Variants in GRIN2A observed in about 807,000 individuals in gnomAD.
GRIN2A encodes the protein glutamate receptor ionotropic, NMDA 2A.
In GRIN2A, 22 loss-of-function variants were observed where a neutral mutation model predicts 113.4. That is an observed-to-expected ratio of 0.19 (90% CI 0.14 to 0.28). The LOEUF (loss-of-function observed/expected upper bound fraction) is 0.28. GRIN2A is among the 10% of genes least tolerant of loss of function. The pLI is 1.00. For missense variants in GRIN2A, 1,502 were observed against 1,887.0 expected (o/e 0.80, Z 3.78); for synonymous variants, 827 against 738.4 (o/e 1.12, Z -1.94).
At chr16:9,947,720 C>T (rs2045053858) in intron 2 of GRIN2A, among the ~76,000 whole-genome samples, 1 of 152,104 alleles carries the variant, frequency 6.6e-6, no homozygotes, top group Admixed American at 6.5e-5. Flanking sequence ...AATTTCAGCT[C>T]TTTCTCTTAC....
intron 11 of GRIN2A, among the ~76,000 whole-genome samples, chr16:9,779,500 GAGA>G (rs1446848185): frequency 1.3e-5 from 2 of 152,116 alleles, no homozygotes; most frequent in Non-Finnish European, 2.9e-5. Flanking sequence ...GGAATGAAGA[GAGA>G]AGGAGAGAGT....
intron 2 of GRIN2A, among the ~76,000 whole-genome samples, chr16:9,939,641 C>T (rs2044812457): frequency 6.6e-6 from 1 of 152,134 alleles, no homozygotes; most frequent in African/African-American, 2.4e-5. Flanking sequence ...GTTGGTATTG[C>T]TGGCAGGGAA....
At chr16:9,765,664 A>G (rs1700071934) in intron 12 of GRIN2A, among the ~76,000 whole-genome samples, 1 of 152,122 alleles carries the variant, frequency 6.6e-6, no homozygotes, top group Non-Finnish European at 1.5e-5. Context: ...AGAGCCCAAG[A>G]GATAGAGAAA....
intron 2 of GRIN2A, among the ~76,000 whole-genome samples, chr16:10,100,684 G>T (rs2048377022): frequency 6.6e-6 from 1 of 152,168 alleles, no homozygotes; most frequent in Admixed American, 6.5e-5. Context: ...CTCCATCTGT[G>T]CAGCTTTATG....
intron 4 of GRIN2A, among the ~76,000 whole-genome samples, chr16:9,874,770 T>C (rs2043332237): frequency 6.6e-6 from 1 of 151,914 alleles, no homozygotes; most frequent in South Asian, 2.1e-4. Context: ...GGAGTGATCA[T>C]ACTCATCTTG....
intron 2 of GRIN2A, among the ~76,000 whole-genome samples, chr16:9,942,338 T>C (rs2044902296): frequency 6.6e-6 from 1 of 152,174 alleles, no homozygotes; most frequent in South Asian, 2.1e-4. Context: ...CTAGGGTCTA[T>C]TGAACCTAAA....
rs542344535 is a variant in GRIN2A at position 10,052,507 on chromosome 16, T to G, written c.415-113956A>C. Among the ~76,000 whole-genome samples the G allele has an allele frequency of 7.9e-5, 12 of 152,328 alleles. No individual in the cohort carries two copies. In the South Asian group the frequency reaches 2.5e-3, roughly 32 times the overall value. Reference sequence around the variant, plus strand: ...GCCCTGTCCTTAAGGAATCGCCATCTGCCCCAGGGGACATGAATGATGCTT... The same window carrying G: ...GCCCTGTCCTTAAGGAATCGCCATCGGCCCCAGGGGACATGAATGATGCTT... On this transcript the variant is annotated intron_variant, in intron 2 of 12. Coordinates refer to ENST00000330684, the MANE Select transcript of GRIN2A (RefSeq NM_001134407.3).
chr16:10,048,141 A>T (rs2047291741), intron 2 of GRIN2A, among the ~76,000 whole-genome samples: 1 of 152,248 alleles, frequency 6.6e-6, no homozygotes, highest in Non-Finnish European at 1.5e-5. Context: ...TTAATTTTGT[A>T]GCCATGGGCA....
intron 11 of GRIN2A, among the ~76,000 whole-genome samples, chr16:9,772,651 C>T (rs887559646): frequency 3.3e-5 from 5 of 152,278 alleles, no homozygotes; most frequent in African/African-American, 9.6e-5. Context: ...GCTAGGATTA[C>T]AGGCGTGAGC....
chr16:9,975,157 ATAAGT>A (rs764411332), intron 2 of GRIN2A, among the ~76,000 whole-genome samples: 4 of 152,244 alleles, frequency 2.6e-5, no homozygotes, highest in Non-Finnish European at 5.9e-5. Flanking sequence ...AAGCCAATAA[ATAAGT>A]TAAAACAAAG....
At chr16:10,066,187 G>T (rs1596473699) in intron 2 of GRIN2A, among the ~76,000 whole-genome samples, 1 of 152,142 alleles carries the variant, frequency 6.6e-6, no homozygotes, top group Non-Finnish European at 1.5e-5. Context: ...GAGGCTGCCA[G>T]CCTTTGAAGT....
At position 9,754,888 on chromosome 16, in the gene GRIN2A, C is replaced by T. The variant is rs1227661417; in HGVS notation, c.*8261G>A. Reference sequence around the variant, plus strand: ...TTTAAAACTTGAAACAGCAAAATGTCAGATCAATGGGAAGCATTTAAAATG... The same window carrying T: ...TTTAAAACTTGAAACAGCAAAATGTTAGATCAATGGGAAGCATTTAAAATG... On this transcript the variant is annotated 3_prime_UTR_variant, in exon 13 of 13. Coordinates refer to ENST00000330684, the MANE Select transcript of GRIN2A (RefSeq NM_001134407.3). 3 of 224,094 alleles carry T rather than the reference C, an allele frequency of 1.3e-5. No homozygotes were observed. In the East Asian group the frequency reaches 1.9e-4, roughly 14 times the overall value. The allele number at this position is 224,094 out of a possible 1,614,324, so 13.9% of individuals were successfully genotyped here.
chr16:9,783,791 T>C, intron 11 of GRIN2A, among the ~76,000 whole-genome samples: 1 of 152,182 alleles, frequency 6.6e-6, no homozygotes, highest in East Asian at 1.9e-4. Flanking sequence ...AAATGGTAAA[T>C]ATTGTTACTT....
At position 10,124,230 on chromosome 16, in the gene GRIN2A, C is replaced by T. The variant is rs114653306; in HGVS notation, c.414+55768G>A. 7.6e-3 allele frequency among the ~76,000 whole-genome samples: 1,157 copies of T among 152,262 alleles called. 14 individuals are homozygous for T. Among genetic ancestry groups the T allele is most frequent in the African/African-American group, 0.024 (1,005 of 41,548 alleles). On this transcript the variant is annotated intron_variant, in intron 2 of 12. Coordinates refer to ENST00000330684, the MANE Select transcript of GRIN2A (RefSeq NM_001134407.3). ...CACGATGTATAGGGAAAAAAGAGCA[C>T]AGGTCAGGTGGCCCAGGGAGCAAAC...
chr16:9,978,168 C>A (rs1429232025), intron 2 of GRIN2A, among the ~76,000 whole-genome samples: 1 of 152,226 alleles, frequency 6.6e-6, no homozygotes, highest in Non-Finnish European at 1.5e-5. Flanking sequence ...AAAGAAAAAG[C>A]AATGGGTTGT....
chr16:10,132,896 C>G (rs1379621166), intron 2 of GRIN2A, among the ~76,000 whole-genome samples: 1 of 152,166 alleles, frequency 6.6e-6, no homozygotes, highest in African/African-American at 2.4e-5. Context: ...GACCAGCAGG[C>G]CTTCCTAGTG....
chr16:10,030,757 G>A (rs1296214934), intron 2 of GRIN2A, among the ~76,000 whole-genome samples: 1 of 152,138 alleles, frequency 6.6e-6, no homozygotes, highest in Non-Finnish European at 1.5e-5. Context: ...AGAAACTTAA[G>A]TGCAGGGTGA....
intron 3 of GRIN2A, among the ~76,000 whole-genome samples, chr16:9,891,518 G>T (rs982502927): frequency 4.6e-5 from 7 of 152,184 alleles, no homozygotes; most frequent in Non-Finnish European, 1.0e-4. Context: ...TTTGCTATAT[G>T]TCAGGACTCA....
At chr16:9,777,282 T>C (rs756451892) in intron 11 of GRIN2A, among the ~76,000 whole-genome samples, 1 of 151,612 alleles carries the variant, frequency 6.6e-6, no homozygotes. Flanking sequence ...GAAAAAAAAA[T>C]GAGCTAGAGA....
Sources: gnomAD v4.1 joint callset for allele counts (sites outside exome capture counted in the v4.1 genomes callset) on GRCh38, gnomAD v4.1.1 for gene constraint, MANE v1.5 for transcripts, NCBI Gene and HGNC (gene_info 2026-07-23, HGNC 2026-07-21) for gene names.